The following SCN8A variants were observed in gnomAD, a reference collection of about 807,000 sequenced individuals.
The protein encoded by SCN8A is sodium channel protein type 8 subunit alpha.
A neutral mutation model predicts 184.1 loss-of-function variants in SCN8A; 30 were observed. That is an observed-to-expected ratio of 0.16 (90% CI 0.12 to 0.22). SCN8A has a LOEUF of 0.22. Ranked by LOEUF, SCN8A falls within the 10% of genes least tolerant of loss-of-function variation. The probability of loss-of-function intolerance (pLI) is 1.00; values close to 1 mark genes in which losing one functional copy is unlikely to be tolerated. For missense variants in SCN8A, 1,057 were observed against 2,498.9 expected (o/e 0.42, Z 12.30); for synonymous variants, 852 against 907.0 (o/e 0.94, Z 1.09).
chr12:51,592,448 C>G (rs77333176), intron 1 of SCN8A, among the ~76,000 whole-genome samples: 2 of 152,082 alleles, frequency 1.3e-5, no homozygotes, highest in Admixed American at 6.5e-5. Flanking sequence ...GACTACTCCA[C>G]CCTATGCCCT....
intron 21 of SCN8A, among the ~76,000 whole-genome samples, chr12:51,782,872 T>G (rs1169215160): frequency 6.6e-6 from 1 of 152,146 alleles, no homozygotes; most frequent in Non-Finnish European, 1.5e-5. Flanking sequence ...TTTGTCAACT[T>G]GAAAGTAGTT....
intron 2 of SCN8A, among the ~76,000 whole-genome samples, chr12:51,674,084 C>A (rs1373249940): frequency 6.6e-6 from 1 of 152,106 alleles, no homozygotes; most frequent in African/African-American, 2.4e-5. Flanking sequence ...GTAACTGAAG[C>A]ATAGAGTGTG....
intron 1 of SCN8A, among the ~76,000 whole-genome samples, chr12:51,599,872 T>C (rs979918668): frequency 5.9e-5 from 9 of 152,190 alleles, no homozygotes; most frequent in African/African-American, 2.2e-4. Flanking sequence ...ATAGGAAGAC[T>C]CAGTAGAACT....
intron 2 of SCN8A, among the ~76,000 whole-genome samples, chr12:51,664,178 T>A (rs1343199097): frequency 6.6e-6 from 1 of 151,876 alleles, no homozygotes; most frequent in Non-Finnish European, 1.5e-5. Context: ...TAAGAAATCC[T>A]GATTCTACCA....
chr12:51,706,744 T>C, intron 11 of SCN8A, 29 bp downstream of exon 11: 4 of 1,443,752 alleles, frequency 2.8e-6, no homozygotes, highest in Non-Finnish European at 3.7e-6. Flanking sequence ...TATACCTTTT[T>C]CAAAAATGTA....
At chr12:51,615,272 C>A (rs1939810282) in intron 1 of SCN8A, among the ~76,000 whole-genome samples, 1 of 152,040 alleles carries the variant, frequency 6.6e-6, no homozygotes, top group Admixed American at 6.6e-5. Context: ...AATGTTAGTA[C>A]CACCAGGTGC....
chr12:51,666,815 C>T (rs1473474646), intron 2 of SCN8A, among the ~76,000 whole-genome samples: 1 of 152,122 alleles, frequency 6.6e-6, no homozygotes, highest in East Asian at 1.9e-4. Context: ...TTGTGCACCA[C>T]GTTTTCGAGA....
chr12:51,789,227 G>C, intron 23 of SCN8A, 54 bp from the exon 24 acceptor site: 1 of 1,603,318 alleles, frequency 6.2e-7, no homozygotes, highest in South Asian at 1.1e-5. Flanking sequence ...GCCTTGGCGT[G>C]TCAAACTCCA....
chr12:51,782,986 C>G (rs1177729165), intron 21 of SCN8A, among the ~76,000 whole-genome samples: 1 of 152,036 alleles, frequency 6.6e-6, no homozygotes, highest in Non-Finnish European at 1.5e-5. Flanking sequence ...AGATTTTTTT[C>G]GGTAAGATAA....
intron 14 of SCN8A, among the ~76,000 whole-genome samples, chr12:51,755,525 A>C (rs1055543929): frequency 2.0e-5 from 3 of 152,204 alleles, no homozygotes; most frequent in Non-Finnish European, 4.4e-5. Flanking sequence ...ATTTAGAAGT[A>C]GAGATCTAGG....
chr12:51,609,960 CTT>C (rs1939682262), intron 1 of SCN8A, among the ~76,000 whole-genome samples: 3 of 151,194 alleles, frequency 2.0e-5, no homozygotes, highest in Admixed American at 1.3e-4. Flanking sequence ...TACCCTAAAA[CTT>C]AAAGTATAAT....
intron 25 of SCN8A, among the ~76,000 whole-genome samples, 181 bp from the exon 26 acceptor site, chr12:51,794,190 A>G: frequency 6.6e-6 from 1 of 152,136 alleles, no homozygotes; most frequent in Non-Finnish European, 1.5e-5. Flanking sequence ...AACTTTGGAA[A>G]GCTCTTGGTG....
At chr12:51,684,611 A>G (rs535315884) in intron 3 of SCN8A, among the ~76,000 whole-genome samples, 2 of 152,334 alleles carry the variant, frequency 1.3e-5, no homozygotes, top group Non-Finnish European at 1.5e-5. Flanking sequence ...TCTGTGGCCA[A>G]CTATTCAGCT....
intron 2 of SCN8A, among the ~76,000 whole-genome samples, chr12:51,672,827 C>T (rs1214693389): frequency 1.3e-5 from 2 of 152,310 alleles, no homozygotes; most frequent in Middle Eastern, 6.8e-3. Context: ...CTAGGGATAT[C>T]TCAGTATAAT....
intron 20 of SCN8A, among the ~76,000 whole-genome samples, chr12:51,779,536 A>T (rs1937830389): frequency 6.6e-6 from 1 of 152,058 alleles, no homozygotes; most frequent in South Asian, 2.1e-4. Context: ...GTCCTGTTGG[A>T]ATGTTGTTGT....
chr12:51,687,771 G>A (rs996492833), intron 5 of SCN8A, among the ~76,000 whole-genome samples: 3 of 152,264 alleles, frequency 2.0e-5, no homozygotes, highest in African/African-American at 7.2e-5. Flanking sequence ...CTCCACATTG[G>A]TATGTTACTG....
Position 51,721,821 on chromosome 12 carries a change from G to A in SCN8A, c.1911G>A (p.Val637=). The A allele has an allele frequency of 6.2e-7, 1 of 1,607,078 alleles. No homozygotes were observed. The highest frequency in any genetic ancestry group is 2.2e-5 in the East Asian group (1 of 44,870). ...TCTTCCCCAGCCTGCGGCGCAGCGT[G>A]AAGCGCAACAGCACGGTGGACTGCA... ...SRIFPSLRRS[V]KRNSTVDCNG... Residue 637 remains valine (V), a synonymous_variant, in exon 12 of 27, where the codon GTG becomes GTA. Transcript: ENST00000627620.
chr12:51,673,996 T>A (rs1372483483), intron 2 of SCN8A, among the ~76,000 whole-genome samples: 1 of 152,192 alleles, frequency 6.6e-6, no homozygotes, highest in African/African-American at 2.4e-5. Context: ...GAGAGAGTAG[T>A]TCAGGTGTGA....
intron 14 of SCN8A, among the ~76,000 whole-genome samples, chr12:51,757,928 T>A (rs1300381223): frequency 1.3e-5 from 2 of 152,254 alleles, no homozygotes; most frequent in Non-Finnish European, 2.9e-5. Flanking sequence ...ATAAAAGTGC[T>A]ATGTCTATTG....
Sources: gnomAD v4.1 joint callset for allele counts (sites outside exome capture counted in the v4.1 genomes callset) on GRCh38, gnomAD v4.1.1 for gene constraint, MANE v1.5 for transcripts, NCBI Gene and HGNC (gene_info 2026-07-23, HGNC 2026-07-21) for gene names.